SBF2: variants seen among roughly 807,000 people sequenced by gnomAD.
SBF2 encodes SET binding factor 2.
In SBF2, 112 loss-of-function variants were observed where a neutral mutation model predicts 225.2. The ratio of observed to expected loss-of-function variants is 0.50; its 90% CI spans 0.43 to 0.58. The LOEUF is 0.58. Among genes scored for constraint, SBF2 ranks in the 20% least tolerant of loss-of-function variants. The pLI, the probability that SBF2 is intolerant of heterozygous loss-of-function variation, is 0.00. For missense variants in SBF2, 1,996 were observed against 2,206.2 expected (o/e 0.90, Z 1.91); for synonymous variants, 763 against 773.3 (o/e 0.99, Z 0.22).
At chr11:10,196,552 T>A (rs1307817547) in intron 1 of SBF2, among the ~76,000 whole-genome samples, 2 of 151,908 alleles carry the variant, frequency 1.3e-5, no homozygotes, top group African/African-American at 4.8e-5. Context: ...CTAATTTTCA[T>A]ATTTTTTGTA....
At chr11:9,800,714 GTATT>G (rs1451090751) in intron 32 of SBF2, among the ~76,000 whole-genome samples, 4 of 151,802 alleles carry the variant, frequency 2.6e-5, no homozygotes, top group African/African-American at 4.8e-5. Flanking sequence ...GCCAAAAAAA[GTATT>G]TATTATGTTT....
intron 28 of SBF2, among the ~76,000 whole-genome samples, chr11:9,825,047 T>C (rs2133924563): frequency 6.6e-6 from 1 of 152,274 alleles, no homozygotes; most frequent in East Asian, 1.9e-4. Flanking sequence ...AGAAAAATGA[T>C]ATATATGGCT....
At chr11:10,045,230 C>T (rs183734862) in intron 2 of SBF2, among the ~76,000 whole-genome samples, 26 of 151,396 alleles carry the variant, frequency 1.7e-4, no homozygotes, top group African/African-American at 4.9e-4. Context: ...TGCAGTGGCA[C>T]GATCTTGGCT....
chr11:9,803,055 T>A (rs952763260), intron 32 of SBF2, among the ~76,000 whole-genome samples: 19 of 152,356 alleles, frequency 1.2e-4, no homozygotes, highest in African/African-American at 4.1e-4. Context: ...ACAGCCAGAT[T>A]TGAAGTCATA....
chr11:9,867,352 C>T (rs1322573614), intron 17 of SBF2, among the ~76,000 whole-genome samples: 1 of 151,874 alleles, frequency 6.6e-6, no homozygotes, highest in African/African-American at 2.4e-5. Context: ...TTATCTTGTC[C>T]CAGTTAAAGT....
intron 1 of SBF2, among the ~76,000 whole-genome samples, chr11:10,288,420 G>C (rs1204248143): frequency 6.6e-6 from 1 of 152,206 alleles, no homozygotes; most frequent in African/African-American, 2.4e-5. Flanking sequence ...GCTCCTAGCA[G>C]AGAGGGTAGC....
chr11:9,887,129 T>C (rs948612390), intron 17 of SBF2, among the ~76,000 whole-genome samples: 18 of 151,696 alleles, frequency 1.2e-4, no homozygotes, highest in Non-Finnish European at 1.9e-4. Context: ...TTTTTCATCA[T>C]ATAAAAAAAA....
At chr11:10,008,402 C>A (rs1948293268) in intron 6 of SBF2, among the ~76,000 whole-genome samples, 1 of 152,200 alleles carries the variant, frequency 6.6e-6, no homozygotes, top group African/African-American at 2.4e-5. Context: ...AAAGCTAGCA[C>A]TGGGCCCCAA....
Position 10,093,532 on chromosome 11 carries a change from A to G in SBF2, c.142-50551T>C, listed in dbSNP as rs150870954. On this transcript the variant is annotated intron_variant, in intron 2 of 39. Transcript: ENST00000256190. ...CTTGGTAATACCAGATTTTTTCCTT[A>G]TGTGTTAACTTTAGAACCCAGTTAT... Among the ~76,000 whole-genome samples the G allele has an allele frequency of 1.2e-4, 19 of 152,246 alleles. 1 individual carries two copies. Among genetic ancestry groups the G allele is most frequent in the African/African-American group, 4.1e-4 (17 of 41,550 alleles).
intron 2 of SBF2, among the ~76,000 whole-genome samples, chr11:10,179,060 T>C (rs1222399638): frequency 6.8e-6 from 1 of 148,004 alleles, no homozygotes; most frequent in Non-Finnish European, 1.5e-5. Context: ...TGGATGAAAT[T>C]GGAAATCATC....
chr11:10,208,954 T>C (rs754324657), intron 1 of SBF2, among the ~76,000 whole-genome samples: 1 of 152,162 alleles, frequency 6.6e-6, no homozygotes, highest in South Asian at 2.1e-4. Context: ...AGTTTCAGCA[T>C]AGATTTTTTA....
chr11:10,150,085 A>T (rs965620819), intron 2 of SBF2, among the ~76,000 whole-genome samples: 2 of 152,058 alleles, frequency 1.3e-5, no homozygotes, highest in Non-Finnish European at 2.9e-5. Flanking sequence ...TAATAGAATA[A>T]CCACCCAGTC....
intron 26 of SBF2, among the ~76,000 whole-genome samples, chr11:9,835,273 T>A (rs1437816554): frequency 6.6e-6 from 1 of 152,008 alleles, no homozygotes; most frequent in Non-Finnish European, 1.5e-5. Context: ...ACTACAAGCA[T>A]CCAAGATCTA....
At position 9,993,118 on chromosome 11, in the gene SBF2, A is replaced by G; in HGVS notation, c.1054-15T>C. The G allele has an allele frequency of 6.4e-7, 1 of 1,561,504 alleles. No individual in the cohort carries two copies. The highest frequency in any genetic ancestry group is 8.8e-7 in the Non-Finnish European group (1 of 1,136,402). The stretch of plus-strand genomic sequence containing the variant: ...ACCTCTTTATCCTAAAAATATAAGA[A>G]GAAATGTTAGGTAATTTAACTTTTT... On this transcript the variant is annotated splice_polypyrimidine_tract_variant and intron_variant, in intron 10 of 39. Transcript: ENST00000256190.
intron 1 of SBF2, among the ~76,000 whole-genome samples, chr11:10,293,073 G>A (rs1442002937): frequency 6.6e-6 from 1 of 152,220 alleles, no homozygotes; most frequent in Non-Finnish European, 1.5e-5. Context: ...AGGGGCTGTA[G>A]AGCTGATATC....
chr11:9,926,927 A>G (rs1254125390), intron 16 of SBF2, among the ~76,000 whole-genome samples: 1 of 152,158 alleles, frequency 6.6e-6, no homozygotes. Context: ...ACATAAAAAC[A>G]ACAGAGAGAA....
At chr11:10,127,183 G>A (rs1953796038) in intron 2 of SBF2, among the ~76,000 whole-genome samples, 1 of 151,812 alleles carries the variant, frequency 6.6e-6, no homozygotes. Context: ...CACTTAAAAT[G>A]GTACATTTTA....
chr11:10,227,792 T>G (rs1958640765), intron 1 of SBF2, among the ~76,000 whole-genome samples: 1 of 152,122 alleles, frequency 6.6e-6, no homozygotes, highest in African/African-American at 2.4e-5. Flanking sequence ...TAGGATTGAC[T>G]TGGCGATGCA....
At chr11:9,921,856 T>C (rs1192115483) in intron 16 of SBF2, among the ~76,000 whole-genome samples, 2 of 152,198 alleles carry the variant, frequency 1.3e-5, no homozygotes, top group Admixed American at 6.5e-5. Flanking sequence ...CAGGCTTACC[T>C]ATAGCTAATA....
Sources: allele counts gnomAD v4.1 joint callset (sites outside exome capture counted in the v4.1 genomes callset), GRCh38; gene constraint gnomAD v4.1.1; transcripts MANE v1.5; gene names NCBI Gene and HGNC (gene_info 2026-07-23, HGNC 2026-07-21).